CEP135: variants seen among roughly 807,000 people sequenced by gnomAD.
The protein encoded by CEP135 is centrosomal protein of 135 kDa.
Under a neutral mutation model 157.3 loss-of-function variants are expected in CEP135, and 142 were observed. The ratio of observed to expected loss-of-function variants is 0.90; its 90% CI spans 0.79 to 1.04. The LOEUF is 1.04. Among genes scored for constraint, CEP135 ranks in the 50% least tolerant of loss-of-function variants. CEP135 has a pLI of 0.00. For synonymous variants in CEP135, 396 were observed against 439.8 expected (o/e 0.90, Z 1.25); for missense variants, 1,317 against 1,309.2 (o/e 1.01, Z -0.09).
In CEP135 at chr4:55,974,781, C is replaced by G; in HGVS notation, c.1285C>G (p.Leu429Val). The change falls in exon 11 of 26, where the codon CTA (leucine) becomes GTA (valine). Residue 429 changes from leucine (L) to valine (V), a missense_variant. Physicochemically the swap from Leu to Val is conservative, Grantham distance 32. Transcript: ENST00000257287. ...TACTCTGGAGGTTGAGAGGATGAGA[C>G]TAGAACATGGAATAAAACGTCGAGA... ...QLTLEVERMR[L>V]EHGIKRRDRS... is the part of the protein sequence containing the mutation. 6.2e-7 allele frequency: 1 copy of G among 1,613,748 alleles called. No individual in the cohort carries two copies. Among genetic ancestry groups the G allele is most frequent in the Non-Finnish European group, 8.5e-7 (1 of 1,179,828 alleles).
chr4:55,969,808 A>G (rs1209300375), intron 9 of CEP135, among the ~76,000 whole-genome samples: 2 of 152,312 alleles, frequency 1.3e-5, no homozygotes, highest in African/African-American at 4.8e-5. Context: ...TACTTGAAAT[A>G]TTTGTTGATT....
chr4:55,955,721 A>G (rs1331296162), intron 4 of CEP135, among the ~76,000 whole-genome samples: 1 of 152,176 alleles, frequency 6.6e-6, no homozygotes, highest in Non-Finnish European at 1.5e-5. Flanking sequence ...TTCTCTTTCG[A>G]GTGAATGAGT....
At position 55,953,286 on chromosome 4, in the gene CEP135, A is replaced by T. The variant is rs564372182; in HGVS notation, c.304+11A>T. 2.0e-6 allele frequency: 3 copies of T among 1,479,462 alleles called. No homozygotes were observed. The Admixed American group carries it at 7.7e-5, about 38-fold the overall frequency. The allele number at this position is 1,479,462 out of a possible 1,614,324, so 91.6% of individuals were successfully genotyped here. A position where few individuals can be genotyped will look rare whatever the true frequency, so the allele number is the denominator to read the frequency against. On this transcript the variant is annotated intron_variant, in intron 3 of 25. Transcript: ENST00000257287. ...ACCAACACGTTAAAGGTAAGTGAAA[A>T]TTTGATAATTTTTAAAATGCAATGT...
intron 22 of CEP135, among the ~76,000 whole-genome samples, chr4:56,018,692 C>T (rs28376464): frequency 1.3e-5 from 2 of 151,732 alleles, no homozygotes; most frequent in Admixed American, 6.6e-5. Flanking sequence ...CCCAGGATGT[C>T]GAGGCCGCAG....
chr4:55,991,684 T>C (rs533037971), intron 14 of CEP135, among the ~76,000 whole-genome samples: 5 of 152,200 alleles, frequency 3.3e-5, no homozygotes, highest in Admixed American at 2.6e-4. Context: ...GTTTCATTGC[T>C]GTTATAGATA....
Position 56,009,803 on chromosome 4 carries a change from C to T in CEP135, c.2405C>T (p.Ala802Val). The T allele has an allele frequency of 1.2e-6, 2 of 1,614,050 alleles. No homozygotes were observed. The highest frequency in any genetic ancestry group is 8.5e-7 in the Non-Finnish European group (1 of 1,179,984). Residue 802 changes from alanine to valine, a missense_variant, in exon 19 of 26, where the codon GCT becomes GTT. By Grantham distance (64) the Ala-to-Val change is moderately conservative (BLOSUM62 0). Coordinates refer to ENST00000257287, the MANE Select transcript of CEP135 (RefSeq NM_025009.5). Reference sequence around the variant, plus strand: ...AGCCTCCGGCGCCAGCTTGATGCAGCTCACAAAGAACTCGATGAAGTAGGA... The same window carrying T: ...AGCCTCCGGCGCCAGCTTGATGCAGTTCACAAAGAACTCGATGAAGTAGGA... ...INSLRRQLDAAHKELDEVGRS... is the reference protein window; with the variant it reads ...INSLRRQLDAVHKELDEVGRS...
intron 23 of CEP135, among the ~76,000 whole-genome samples, chr4:56,020,291 T>G (rs972778009): frequency 1.3e-5 from 2 of 152,136 alleles, no homozygotes; most frequent in African/African-American, 4.8e-5. Context: ...TAGACATATT[T>G]GTAGGAAGAG....
At chr4:55,951,179 C>T (rs1239605815) in intron 1 of CEP135, among the ~76,000 whole-genome samples, 6 of 152,040 alleles carry the variant, frequency 3.9e-5, no homozygotes, top group Non-Finnish European at 7.4e-5. Context: ...AGGTTGTTTC[C>T]AGTTTGGGGC....
At chr4:56,005,760 A>G (rs184172695) in intron 17 of CEP135, among the ~76,000 whole-genome samples, 120 of 152,086 alleles carry the variant, frequency 7.9e-4, no homozygotes, top group African/African-American at 2.7e-3. Context: ...CTCCCTTAGC[A>G]TTTCTTTTAA....
intron 9 of CEP135, among the ~76,000 whole-genome samples, chr4:55,970,394 AAAAT>A (rs1213116117): frequency 2.6e-5 from 4 of 152,372 alleles, no homozygotes; most frequent in East Asian, 3.9e-4. Flanking sequence ...GGATTTTAAA[AAAAT>A]AACCTGTTGA....
intron 18 of CEP135, among the ~76,000 whole-genome samples, chr4:56,009,164 G>GTTTTTTT (rs757808172): frequency 6.6e-6 from 1 of 151,184 alleles, no homozygotes; most frequent in African/African-American, 2.4e-5. Flanking sequence ...TGTTGTTGTT[G>GTTTTTTT]TTGTTTTTTG....
intron 6 of CEP135, among the ~76,000 whole-genome samples, chr4:55,961,764 TAAAAAAAAAAAAAAAAAA>T (rs564116620): frequency 1.8e-5 from 1 of 54,186 alleles, no homozygotes; most frequent in African/African-American, 7.8e-5. Context: ...AAACTCTGTC[TAAAAAAAAAAAAAAAAAA>T]AAAAAAAAAA....
At chr4:55,952,306 G>T in intron 2 of CEP135, 63 bp downstream of exon 2, 2 of 930,202 alleles carry the variant, frequency 2.2e-6, no homozygotes, top group South Asian at 2.8e-5. Flanking sequence ...ATTTCTGATT[G>T]AACTTCATGC....
At chr4:56,023,337 G>A (rs1376955875) in intron 24 of CEP135, among the ~76,000 whole-genome samples, 1 of 152,068 alleles carries the variant, frequency 6.6e-6, no homozygotes, top group Non-Finnish European at 1.5e-5. Flanking sequence ...AAGAGAACCA[G>A]AAGATGTAGT....
At chr4:55,996,212 C>T (rs1729964264) in intron 15 of CEP135, among the ~76,000 whole-genome samples, 1 of 152,086 alleles carries the variant, frequency 6.6e-6, no homozygotes, top group African/African-American at 2.4e-5. Flanking sequence ...ACCTTGACCT[C>T]CTGGCTCAAG....
At chr4:55,964,141 G>T in intron 6 of CEP135, 133 bp from the exon 7 acceptor site, 1 of 749,172 alleles carries the variant, frequency 1.3e-6, no homozygotes, top group East Asian at 2.8e-5. Context: ...ATAATATATG[G>T]ACACAAATAT....
At chr4:56,026,183 T>A (rs12645491) in intron 25 of CEP135, among the ~76,000 whole-genome samples, 31,150 of 151,996 alleles carry the variant, frequency 0.2, 3,470 homozygotes, top group Non-Finnish European at 0.26. Context: ...CACTCCAGCT[T>A]GGGTGACAGA....
chr4:55,984,707 T>C (rs1729518161), intron 13 of CEP135, among the ~76,000 whole-genome samples: 1 of 152,238 alleles, frequency 6.6e-6, no homozygotes, highest in African/African-American at 2.4e-5. Flanking sequence ...GAATCCATGC[T>C]AGAAAAACTC....
intron 19 of CEP135, 76 bp from the exon 20 acceptor site, chr4:56,011,336 G>T: frequency 1.0e-6 from 1 of 982,566 alleles, no homozygotes; most frequent in Non-Finnish European, 1.5e-6. Flanking sequence ...CAATTCCAAA[G>T]GAATTATTTG....
Sources: gnomAD v4.1 joint callset for allele counts (sites outside exome capture counted in the v4.1 genomes callset) on GRCh38, gnomAD v4.1.1 for gene constraint, MANE v1.5 for transcripts, NCBI Gene and HGNC (gene_info 2026-07-23, HGNC 2026-07-21) for gene names.